MAN1A1: variants seen among roughly 807,000 people sequenced by gnomAD.
The protein encoded by MAN1A1 is mannosyl-oligosaccharide 1,2-alpha-mannosidase IA.
A neutral mutation model predicts 70.8 loss-of-function variants in MAN1A1; 29 were observed. That is an observed-to-expected ratio of 0.41 (90% CI 0.31 to 0.56). The LOEUF is 0.56. Ranked by LOEUF, MAN1A1 falls within the 20% of genes least tolerant of loss-of-function variation. The pLI is 0.29. For missense variants in MAN1A1, 747 were observed against 841.3 expected, an observed-to-expected ratio of 0.89 and a Z score of 1.39; for synonymous variants, 349 against 330.1, an observed-to-expected ratio of 1.06 and a Z score of -0.62.
At chr6:119,190,547 T>C (rs186591231) in intron 9 of MAN1A1, among the ~76,000 whole-genome samples, 10 of 152,350 alleles carry the variant, frequency 6.6e-5, no homozygotes, top group African/African-American at 2.4e-4. Context: ...CAGTCACTAA[T>C]GCAAGTGGCA....
chr6:119,337,586 T>A (rs555406952), intron 2 of MAN1A1, among the ~76,000 whole-genome samples: 6 of 152,360 alleles, frequency 3.9e-5, no homozygotes, highest in African/African-American at 1.4e-4. Context: ...TCATAGAAAT[T>A]CTGTATTCTT....
At chr6:119,199,791 A>G (rs1183179955) in intron 8 of MAN1A1, among the ~76,000 whole-genome samples, 1 of 151,960 alleles carries the variant, frequency 6.6e-6, no homozygotes, top group Non-Finnish European at 1.5e-5. Context: ...GTGCACCTGT[A>G]GTCCCAGCTA....
intron 2 of MAN1A1, among the ~76,000 whole-genome samples, chr6:119,330,299 C>G (rs1773273862): frequency 6.6e-6 from 1 of 152,056 alleles, no homozygotes; most frequent in African/African-American, 2.4e-5. Context: ...TCCATTACCC[C>G]TCTCCACTCC....
intron 4 of MAN1A1, among the ~76,000 whole-genome samples, chr6:119,297,306 T>A (rs1029293899): frequency 6.6e-6 from 1 of 152,200 alleles, no homozygotes; most frequent in Non-Finnish European, 1.5e-5. Flanking sequence ...CACCTGAGCT[T>A]TTCTTCCAGC....
At chr6:119,314,570 C>T (rs996077185) in intron 2 of MAN1A1, among the ~76,000 whole-genome samples, 15 of 152,118 alleles carry the variant, frequency 9.9e-5, no homozygotes, top group African/African-American at 2.9e-4. Context: ...AACTCTCTCA[C>T]GCTGATTTTC....
At chr6:119,273,943 A>C (rs1409291992) in intron 5 of MAN1A1, among the ~76,000 whole-genome samples, 2 of 152,216 alleles carry the variant, frequency 1.3e-5, no homozygotes, top group African/African-American at 4.8e-5. Context: ...TGGGAATTGC[A>C]ACACCAAGTA....
chr6:119,328,816 T>C (rs1773226635), intron 2 of MAN1A1, among the ~76,000 whole-genome samples: 1 of 152,192 alleles, frequency 6.6e-6, no homozygotes, highest in Admixed American at 6.5e-5. Flanking sequence ...GTAAGTTTGG[T>C]TCCTGAACTG....
chr6:119,295,066 C>T (rs1277580513), intron 4 of MAN1A1, among the ~76,000 whole-genome samples: 5 of 151,852 alleles, frequency 3.3e-5, no homozygotes, highest in Admixed American at 6.6e-5. Context: ...TGTATGCTTC[C>T]CTCCTTCAAT....
intron 5 of MAN1A1, among the ~76,000 whole-genome samples, chr6:119,251,725 C>T (rs1424856382): frequency 6.6e-6 from 1 of 152,188 alleles, no homozygotes; most frequent in Non-Finnish European, 1.5e-5. Flanking sequence ...TCCTTCACTG[C>T]CTATTATACA....
At chr6:119,237,274 C>A (rs1774871325) in intron 6 of MAN1A1, among the ~76,000 whole-genome samples, 1 of 152,116 alleles carries the variant, frequency 6.6e-6, no homozygotes. Context: ...GAAGTTTTAC[C>A]GTGTGGAAAA....
intron 6 of MAN1A1, among the ~76,000 whole-genome samples, chr6:119,215,510 C>T (rs1213166368): frequency 6.6e-6 from 1 of 152,118 alleles, no homozygotes; most frequent in African/African-American, 2.4e-5. Context: ...AGACTGTTTA[C>T]ACTAGACTAA....
intron 2 of MAN1A1, among the ~76,000 whole-genome samples, chr6:119,310,787 C>T (rs9481906): frequency 6.6e-6 from 1 of 152,082 alleles, no homozygotes; most frequent in Non-Finnish European, 1.5e-5. Context: ...GATGATTTTG[C>T]CACTTGGATG....
Position 119,318,841 on chromosome 6 carries a change from C to T in MAN1A1, c.604-11849G>A, listed in dbSNP as rs3798642. Among the ~76,000 whole-genome samples the T allele has an allele frequency of 5.9e-3, 904 of 152,278 alleles. 29 individuals carry two copies. The East Asian group carries it at 0.09, about 15-fold the overall frequency. ...TTCACCTCTACTTGGGCATCCTACACGGGTTCTTTCATCACCATGAGTCTT... is the reference window on the plus strand; with the variant it reads ...TTCACCTCTACTTGGGCATCCTACATGGGTTCTTTCATCACCATGAGTCTT... On this transcript the variant is annotated intron_variant, in intron 2 of 12. Coordinates refer to ENST00000368468, the MANE Select transcript of MAN1A1 (RefSeq NM_005907.4).
intron 2 of MAN1A1, among the ~76,000 whole-genome samples, chr6:119,322,800 T>C (rs910225823): frequency 6.6e-6 from 1 of 152,214 alleles, no homozygotes; most frequent in African/African-American, 2.4e-5. Context: ...AATTAGGAAG[T>C]AGCAAACCAA....
At chr6:119,315,248 A>G (rs796871521) in intron 2 of MAN1A1, among the ~76,000 whole-genome samples, 7 of 152,362 alleles carry the variant, frequency 4.6e-5, no homozygotes, top group African/African-American at 1.7e-4. Flanking sequence ...AGATATATAA[A>G]GAAACAGTAA....
chr6:119,306,493 T>C (rs867231335), intron 3 of MAN1A1, among the ~76,000 whole-genome samples: 11 of 152,324 alleles, frequency 7.2e-5, no homozygotes, highest in Middle Eastern at 6.8e-3. Flanking sequence ...AAGATCACCA[T>C]GGCTGGCTGC....
intron 4 of MAN1A1, among the ~76,000 whole-genome samples, chr6:119,290,980 T>G (rs1249024146): frequency 6.6e-6 from 1 of 151,906 alleles, no homozygotes; most frequent in African/African-American, 2.4e-5. Context: ...CCAAAATACG[T>G]ACAATCATTA....
At chr6:119,287,892 C>T (rs1050168793) in intron 5 of MAN1A1, among the ~76,000 whole-genome samples, 3 of 151,738 alleles carry the variant, frequency 2.0e-5, no homozygotes, top group African/African-American at 7.3e-5. Flanking sequence ...TCATCTTATC[C>T]CCATCCTATC....
At chr6:119,310,189 T>C (rs1282828042) in intron 2 of MAN1A1, among the ~76,000 whole-genome samples, 1 of 152,230 alleles carries the variant, frequency 6.6e-6, no homozygotes, top group African/African-American at 2.4e-5. Flanking sequence ...CGTTGGAATT[T>C]CCCTAGTATG....
Sources: allele counts gnomAD v4.1 joint callset (sites outside exome capture counted in the v4.1 genomes callset), GRCh38; gene constraint gnomAD v4.1.1; transcripts MANE v1.5; gene names NCBI Gene and HGNC (gene_info 2026-07-23, HGNC 2026-07-21).